Variants in GALNT17 observed in about 807,000 individuals in gnomAD.
GALNT17 encodes the protein UDP-GalNAc:polypeptide N-acetylgalactosaminyltransferase-like 3.
GALNT17 carries 29 observed loss-of-function variants against 63.7 expected under a neutral mutation model. The observed-to-expected ratio is 0.46, with a 90% CI of 0.34 to 0.62. The LOEUF (loss-of-function observed/expected upper bound fraction) is 0.62. GALNT17 is among the 20% of genes least tolerant of loss of function. The probability of loss-of-function intolerance (pLI) is 0.01; values close to 1 mark genes in which losing one functional copy is unlikely to be tolerated. For synonymous variants in GALNT17, 305 were observed against 318.3 expected (o/e 0.96, Z 0.45); for missense variants, 603 against 799.6 (o/e 0.75, Z 2.97).
chr7:71,545,543 G>A (rs1467503642), intron 5 of GALNT17, among the ~76,000 whole-genome samples: 1 of 152,060 alleles, frequency 6.6e-6, no homozygotes, highest in East Asian at 1.9e-4. Flanking sequence ...GTAGAGATGG[G>A]GTTTCACCAT....
chr7:71,643,103 G>A (rs1392375209), intron 6 of GALNT17, among the ~76,000 whole-genome samples: 1 of 152,076 alleles, frequency 6.6e-6, no homozygotes, highest in African/African-American at 2.4e-5. Flanking sequence ...AAAGACCTGG[G>A]GTGGTCTCTG....
At chr7:71,490,410 A>G (rs550635616) in intron 5 of GALNT17, among the ~76,000 whole-genome samples, 22 of 152,256 alleles carry the variant, frequency 1.4e-4, no homozygotes, top group African/African-American at 4.3e-4. Context: ...AGTTATTCCT[A>G]TCAGGGGCAT....
chr7:71,681,176 C>G (rs1351220351), intron 9 of GALNT17, among the ~76,000 whole-genome samples: 1 of 152,178 alleles, frequency 6.6e-6, no homozygotes, highest in Non-Finnish European at 1.5e-5. Flanking sequence ...GCTGGGATTA[C>G]AGGCGTGAGC....
chr7:71,643,675 G>C (rs1341858458), intron 6 of GALNT17, among the ~76,000 whole-genome samples: 1 of 152,210 alleles, frequency 6.6e-6, no homozygotes, highest in Non-Finnish European at 1.5e-5. Context: ...CTCTGTGGGA[G>C]CCAGGCTGCG....
chr7:71,490,422 T>C (rs948611119), intron 5 of GALNT17, among the ~76,000 whole-genome samples: 1 of 152,148 alleles, frequency 6.6e-6, no homozygotes, highest in Non-Finnish European at 1.5e-5. Context: ...CAGGGGCATT[T>C]AGCCTACAGA....
At chr7:71,222,727 AG>A (rs1367192304) in intron 1 of GALNT17, among the ~76,000 whole-genome samples, 1 of 152,156 alleles carries the variant, frequency 6.6e-6, no homozygotes, top group Non-Finnish European at 1.5e-5. Context: ...TGTCCTTCTA[AG>A]TGCATCATAT....
intron 6 of GALNT17, among the ~76,000 whole-genome samples, chr7:71,604,933 C>G (rs1790023565): frequency 6.6e-6 from 1 of 152,254 alleles, no homozygotes. Flanking sequence ...GCAGAGTGCC[C>G]CCATTCTAGG....
intron 5 of GALNT17, among the ~76,000 whole-genome samples, chr7:71,444,211 T>C (rs1457765114): frequency 6.6e-6 from 1 of 152,196 alleles, no homozygotes; most frequent in Non-Finnish European, 1.5e-5. Context: ...TCTCTATGGC[T>C]CATGCTGGCT....
At chr7:71,455,867 G>A (rs533780713) in intron 5 of GALNT17, among the ~76,000 whole-genome samples, 1 of 152,306 alleles carries the variant, frequency 6.6e-6, no homozygotes, top group South Asian at 2.1e-4. Flanking sequence ...CTTGTCAGTT[G>A]TTTGACCTAA....
chr7:71,533,557 C>T (rs1325548593), intron 5 of GALNT17, among the ~76,000 whole-genome samples: 1 of 152,154 alleles, frequency 6.6e-6, no homozygotes, highest in East Asian at 1.9e-4. Flanking sequence ...ACAATATGCA[C>T]AGATCACAAG....
chr7:71,154,589 T>A (rs117664563), intron 1 of GALNT17, among the ~76,000 whole-genome samples: 4,117 of 152,280 alleles, frequency 0.027, 86 homozygotes, highest in Non-Finnish European at 0.04. Flanking sequence ...TATTTATGTA[T>A]TTTTGGAGAC....
intron 3 of GALNT17, among the ~76,000 whole-genome samples, chr7:71,400,440 C>G (rs1793220195): frequency 6.6e-6 from 1 of 152,148 alleles, no homozygotes. Context: ...TTTTGCTTCT[C>G]ACTTTAATTC....
chr7:71,377,114 A>AAAAAATATATATAT, intron 2 of GALNT17, among the ~76,000 whole-genome samples: 22 of 57,460 alleles, frequency 3.8e-4, no homozygotes, highest in African/African-American at 5.6e-4. Flanking sequence ...AAATAAAAAA[A>AAAAAATATATATAT]ATATATATAT....
At chr7:71,585,842 G>T (rs1490177556) in intron 6 of GALNT17, among the ~76,000 whole-genome samples, 1 of 151,596 alleles carries the variant, frequency 6.6e-6, no homozygotes, top group Non-Finnish European at 1.5e-5. Context: ...GCCTGAGAAA[G>T]TCCCTTTTTC....
intron 1 of GALNT17, among the ~76,000 whole-genome samples, chr7:71,216,268 A>C (rs1458332620): frequency 6.6e-6 from 1 of 152,132 alleles, no homozygotes; most frequent in Non-Finnish European, 1.5e-5. Context: ...GTCGTGATAT[A>C]TCATGCAGCT....
At chr7:71,588,811 C>T (rs1186378793) in intron 6 of GALNT17, among the ~76,000 whole-genome samples, 1 of 151,806 alleles carries the variant, frequency 6.6e-6, no homozygotes, top group South Asian at 2.1e-4. Flanking sequence ...GCTGGAAGCT[C>T]GGTGATTACT....
intron 7 of GALNT17, 135 bp downstream of exon 7, chr7:71,665,731 G>C: frequency 1.0e-6 from 1 of 995,128 alleles, no homozygotes; most frequent in Non-Finnish European, 1.4e-6. Context: ...ATTTCAAAGG[G>C]ATTCACAGAT....
At chr7:71,540,093 CTTTTTTTTTTTTTTTTTT>C (rs71089954) in intron 5 of GALNT17, among the ~76,000 whole-genome samples, 13 of 33,548 alleles carry the variant, frequency 3.9e-4, no homozygotes, top group South Asian at 2.7e-3. Context: ...TGTGCCTGGC[CTTTTTTTTTTTTTTTTTT>C]TTTTTTTTTT....
At chr7:71,585,117 G>A (rs1789696148) in intron 6 of GALNT17, among the ~76,000 whole-genome samples, 1 of 152,138 alleles carries the variant, frequency 6.6e-6, no homozygotes, top group Admixed American at 6.5e-5. Flanking sequence ...GATCTACAAG[G>A]TTGATTACTT....
Sources: gnomAD v4.1 joint callset for allele counts (sites outside exome capture counted in the v4.1 genomes callset) on GRCh38, gnomAD v4.1.1 for gene constraint, MANE v1.5 for transcripts, NCBI Gene and HGNC (gene_info 2026-07-23, HGNC 2026-07-21) for gene names.